ADGRB2: variants seen among roughly 807,000 people sequenced by gnomAD.
ADGRB2 encodes the protein adhesion G protein-coupled receptor B2.
A neutral mutation model predicts 178.7 loss-of-function variants in ADGRB2; 47 were observed. The observed-to-expected ratio is 0.26, with a 90% CI of 0.21 to 0.34. The LOEUF (loss-of-function observed/expected upper bound fraction) is 0.34, where lower values mean the gene tolerates loss of function less well. Among genes scored for constraint, ADGRB2 ranks in the 10% least tolerant of loss-of-function variants. The pLI is 1.00. For missense variants in ADGRB2, 1,584 were observed against 2,180.8 expected (o/e 0.73, Z 5.45); for synonymous variants, 870 against 912.4 (o/e 0.95, Z 0.84).
intron 4 of ADGRB2, among the ~76,000 whole-genome samples, chr1:31,750,665 G>C (rs1359227236): frequency 6.6e-6 from 1 of 152,142 alleles, no homozygotes; most frequent in East Asian, 1.9e-4. Context: ...CCAGAGCCCT[G>C]AGCAGGAGCC....
In ADGRB2 at chr1:31,728,167, G is replaced by C; in HGVS notation, c.4515+15C>G. The C allele has an allele frequency of 6.2e-7, 1 of 1,614,092 alleles. No individual in the cohort carries two copies. Among genetic ancestry groups the C allele is most frequent in the South Asian group, 1.1e-5 (1 of 91,090 alleles). ...TGAGCTTCAGGGCAGGGGCAGCCAC[G>C]GGAGGAGCCCTCACCTTGGCCGTGG... On this transcript the variant is annotated intron_variant, in intron 31 of 32. Coordinates refer to ENST00000373658, the MANE Select transcript of ADGRB2 (RefSeq NM_001364857.2). The surrounding 1 kb of genome is among the most constrained non-coding windows in gnomAD (Gnocchi z 6.7).
rs201141104 is a variant in ADGRB2, at chr1:31,738,965, C to T, written c.2496-28G>A. ...GCGGGACAGGTACCGAAGTCAGCTC[C>T]TGCCAGCGGGTGCCAGCCCCAGTCA... On this transcript the variant is annotated intron_variant, in intron 15 of 32. Coordinates refer to ENST00000373658, the MANE Select transcript of ADGRB2 (RefSeq NM_001364857.2). 1.0e-3 allele frequency: 1,579 copies of T among 1,567,794 alleles called. 17 individuals are homozygous for T. In the South Asian group the frequency reaches 0.013, roughly 13 times the overall value.
In ADGRB2 at chr1:31,732,078, C is replaced by A. The variant is rs754996667; in HGVS notation, c.3760+37G>T. 4.3e-6 allele frequency: 7 copies of A among 1,613,582 alleles called. No homozygotes were observed. In the South Asian group the frequency reaches 4.4e-5, roughly 10 times the overall value. On this transcript the variant is annotated intron_variant, in intron 28 of 32. Coordinates refer to ENST00000373658, the MANE Select transcript of ADGRB2 (RefSeq NM_001364857.2). ...TCAAGGCCTCCCCTTCTTCTCCAAC[C>A]CCAGGACCATTCTCAGTTCTGCCAC...
At chr1:31,737,307 C>G in intron 20 of ADGRB2, 122 bp downstream of exon 20, 1 of 934,472 alleles carries the variant, frequency 1.1e-6, no homozygotes, top group South Asian at 1.5e-5. Context: ...CACTCTAATC[C>G]CAACATGGGG....
At chr1:31,731,560 G>T in intron 28 of ADGRB2, 141 bp from the exon 29 acceptor site, 1 of 1,057,070 alleles carries the variant, frequency 9.5e-7, no homozygotes, top group Non-Finnish European at 1.3e-6. Flanking sequence ...CTGGGTGGTT[G>T]GTAATCTCTC....
At position 31,756,770 on chromosome 1, in the gene ADGRB2, C is replaced by T; in HGVS notation, c.67G>A (p.Val23Met). 6.5e-7 allele frequency: 1 copy of T among 1,529,078 alleles called. No homozygotes were observed. Among genetic ancestry groups the T allele is most frequent in the Non-Finnish European group, 8.8e-7 (1 of 1,136,782 alleles). 94.7% of individuals were successfully genotyped at this position (1,529,078 alleles called of 1,614,324 possible). Reference sequence around the variant, plus strand: ...GTGGCCAGGCGCAGGGACAGAATCACAGACAGTAAGAGGGGACAGGCTGGG... The same window carrying T: ...GTGGCCAGGCGCAGGGACAGAATCATAGACAGTAAGAGGGGACAGGCTGGG... ...MTPACPLLLS[V>M]ILSLRLATAF... Residue 23 changes from valine to methionine, a missense_variant, in exon 4 of 33, where the codon GTG becomes ATG. Coordinates refer to ENST00000373658, the MANE Select transcript of ADGRB2 (RefSeq NM_001364857.2). The surrounding 1 kb of genome is among the most constrained non-coding windows in gnomAD (Gnocchi z 8.5).
In ADGRB2 at chr1:31,741,555, T is replaced by G; in HGVS notation, c.1687+69A>C. ...ACACTCCTCCGTATCTCAGAGAGGC[T>G]GGGGGCGCAGAAGGGGGCAATGAGA... On this transcript the variant is annotated intron_variant, in intron 10 of 32. Coordinates refer to ENST00000373658, the MANE Select transcript of ADGRB2 (RefSeq NM_001364857.2). This position sits in a 1 kb window ranked among gnomAD's most constrained non-coding sequence, Gnocchi z 6.5. 6.3e-7 allele frequency: 1 copy of G among 1,593,492 alleles called. No individual in the cohort carries two copies. Among genetic ancestry groups the G allele is most frequent in the Non-Finnish European group, 8.6e-7 (1 of 1,166,410 alleles).
At position 31,741,832 on chromosome 1, in the gene ADGRB2, T is replaced by A; in HGVS notation, c.1553A>T (p.Glu518Val). The A allele has an allele frequency of 6.2e-7, 1 of 1,600,482 alleles. No individual in the cohort carries two copies. Among genetic ancestry groups the A allele is most frequent in the Non-Finnish European group, 8.5e-7 (1 of 1,171,126 alleles). The change falls in exon 9 of 33, where the codon GAG becomes GTG. Residue 518 changes from glutamate to valine, a missense_variant. Around this residue, in one of 3 missense-constraint regions of ADGRB2, gnomAD observed 657 missense variants for 847.6 expected, o/e 0.78. Transcript: ENST00000373658. This position sits in a 1 kb window ranked among gnomAD's most constrained non-coding sequence, Gnocchi z 6.5. ...QGYPCEGTGE[E>V]VKPCSEKRCP... ...CCTCTTCTCACTACAAGGCTTCACC[T>A]CCTCTCCGGTGCCCTCGCAGGGGTA...
rs1645690569 is a variant in ADGRB2, at chr1:31,737,619, C to T, written c.2876+33G>A. Reference sequence around the variant, plus strand: ...GCCACCTTCTGCGCCTGCCCCCCCTCCCCCAGCCACAAGAGCCAGGTGTCA... The same window carrying T: ...GCCACCTTCTGCGCCTGCCCCCCCTTCCCCAGCCACAAGAGCCAGGTGTCA... On this transcript the variant is annotated intron_variant, in intron 19 of 32. Transcript: ENST00000373658. 4 of 1,611,940 alleles carry T rather than the reference C, an allele frequency of 2.5e-6. No individual in the cohort carries two copies. In the African/African-American group the frequency reaches 4.0e-5, roughly 16 times the overall value.
chr1:31,736,336 T>C lies in ADGRB2; in HGVS notation c.3185A>G (p.Tyr1062Cys), dbSNP rs561800443. The C allele has an allele frequency of 6.2e-7, 1 of 1,614,044 alleles. No homozygotes were observed. The highest frequency in any genetic ancestry group is 1.1e-5 in the South Asian group (1 of 91,074). The stretch of plus-strand genomic sequence containing the variant: ...GCCCACGTACTAGCTGGATGTACCG[T>C]ATCCTTTCGTTCGGGTAAAGCCAAC... ...VSVGFTRTKGYGTSSYCWLSL... is the reference protein window; with the variant it reads ...VSVGFTRTKGCGTSSYCWLSL... Residue 1062 changes from tyrosine to cysteine, a missense_variant, in exon 22 of 33, where the codon TAC becomes TGC. This residue lies in a region of ADGRB2 where 865 missense variants were observed against 1,192.8 expected (regional missense o/e 0.73). Transcript: ENST00000373658.
rs776802259 is a variant in ADGRB2, at chr1:31,744,603, C to G, written c.922+45G>C. The G allele has an allele frequency of 5.6e-6, 9 of 1,600,638 alleles. No homozygotes were observed. Among genetic ancestry groups the G allele is most frequent in the Non-Finnish European group, 7.7e-6 (9 of 1,170,588 alleles). ...AAGCACACACACCACCAGACGCACA[C>G]AGTCGGGCCCCCGCCGCAGAGGAAG... On this transcript the variant is annotated intron_variant, in intron 5 of 32. Coordinates refer to ENST00000373658, the MANE Select transcript of ADGRB2 (RefSeq NM_001364857.2). The surrounding 1 kb of genome is among the most constrained non-coding windows in gnomAD (Gnocchi z 6.7).
At chr1:31,736,422 T>G in intron 21 of ADGRB2, 32 bp from the exon 22 acceptor site, 1 of 1,612,634 alleles carries the variant, frequency 6.2e-7, no homozygotes. Context: ...AGTGAGATGG[T>G]TGCTGGTCTT....
At chr1:31,763,511 A>G (rs1647108398) in intron 1 of ADGRB2, among the ~76,000 whole-genome samples, 1 of 130,428 alleles carries the variant, frequency 7.7e-6, no homozygotes, top group African/African-American at 2.8e-5. Flanking sequence ...GGGGGCTCTA[A>G]TAAAGGTGGG....
chr1:31,730,895 T>A lies in ADGRB2; in HGVS notation c.4285A>T (p.Thr1429Ser). Reference protein sequence around the residue: ...YGMTFQPPPPTPSARQVPEPG... With the variant: ...YGMTFQPPPPSPSARQVPEPG... ...TCGGGCACTTGGCGGGCGCTGGGTG[T>A]CGGCGGTGGCGGTTGGAAGGTCATT... is the stretch of plus-strand genomic sequence containing the variant. The change falls in exon 29 of 33, where the codon ACA becomes TCA. Residue 1429 changes from threonine (T) to serine (S), a missense_variant. Coordinates refer to ENST00000373658, the MANE Select transcript of ADGRB2 (RefSeq NM_001364857.2). The A allele has an allele frequency of 6.3e-7, 1 of 1,577,922 alleles. No individual in the cohort carries two copies. The highest frequency in any genetic ancestry group is 1.2e-5 in the South Asian group (1 of 85,522).
chr1:31,727,997 T>C lies in ADGRB2; in HGVS notation c.4572+28A>G. The C allele has an allele frequency of 6.5e-7, 1 of 1,536,436 alleles. No individual in the cohort carries two copies. On this transcript the variant is annotated intron_variant, in intron 32 of 32. Coordinates refer to ENST00000373658, the MANE Select transcript of ADGRB2 (RefSeq NM_001364857.2). The surrounding 1 kb of genome is among the most constrained non-coding windows in gnomAD (Gnocchi z 4.4). The stretch of plus-strand genomic sequence containing the variant: ...AGGGCACGGGTCCCTCAGGCCCACC[T>C]CACCCCACCCAGCCCGGGGGGACTC...
intron 17 of ADGRB2, 41 bp from the exon 18 acceptor site, chr1:31,738,367 C>T (rs1479419892): frequency 1.9e-5 from 30 of 1,611,328 alleles, no homozygotes; most frequent in Middle Eastern, 1.6e-4. Context: ...AGGCCAGCTA[C>T]GTGGCCCTGC....
chr1:31,737,979 G>GCA (rs367678318), intron 18 of ADGRB2, among the ~76,000 whole-genome samples: 46 of 151,462 alleles, frequency 3.0e-4, no homozygotes, highest in East Asian at 5.8e-4. Context: ...ACACACATGT[G>GCA]CACACACACA....
Position 31,741,380 on chromosome 1 carries a change from T to C in ADGRB2, c.1787A>G (p.Tyr596Cys), listed in dbSNP as rs1557761387. The C allele has an allele frequency of 6.2e-7, 1 of 1,601,262 alleles. No individual in the cohort carries two copies. Among genetic ancestry groups the C allele is most frequent in the Non-Finnish European group, 8.5e-7 (1 of 1,174,138 alleles). ...RCISHEYRYLYLSLREHLAKG... is the reference protein window; with the variant it reads ...RCISHEYRYLCLSLREHLAKG... ...CCAGCAGGGTGCACTCACTGACAGA[T>C]ACAGGTAGCGGTACTCATGGGAGAT... Residue 596 changes from tyrosine (Y) to cysteine (C), a missense_variant, in exon 11 of 33, where the codon TAT becomes TGT. By Grantham distance (194) the Tyr-to-Cys change is radical. Coordinates refer to ENST00000373658, the MANE Select transcript of ADGRB2 (RefSeq NM_001364857.2). The surrounding 1 kb of genome is among the most constrained non-coding windows in gnomAD (Gnocchi z 6.5).
rs1333864493 is a variant in ADGRB2 at position 31,754,930 on chromosome 1, A to C, written c.838+1069T>G. On this transcript the variant is annotated intron_variant, in intron 4 of 32. Coordinates refer to ENST00000373658, the MANE Select transcript of ADGRB2 (RefSeq NM_001364857.2). The surrounding 1 kb of genome is among the most constrained non-coding windows in gnomAD (Gnocchi z 5.7). The stretch of plus-strand genomic sequence containing the variant: ...CAGCACTCCTAGCAGCCCTCACATG[A>C]TACCCTGTCTCCTTGTAAACACTCT... Among the ~76,000 whole-genome samples, 1 of 152,166 alleles carries C rather than the reference A, an allele frequency of 6.6e-6. No individual in the cohort carries two copies. The highest frequency in any genetic ancestry group is 1.5e-5 in the Non-Finnish European group (1 of 68,030).
Sources: gnomAD v4.1 joint callset for allele counts (sites outside exome capture counted in the v4.1 genomes callset) on GRCh38, gnomAD v4.1.1 for gene constraint, gnomAD v4.1.1 regional missense constraint, Gnocchi (gnomAD v3.1) non-coding constraint, MANE v1.5 for transcripts, NCBI Gene and HGNC (gene_info 2026-07-23, HGNC 2026-07-21) for gene names.